CACNA2D2: variants seen among roughly 807,000 people sequenced by gnomAD.
The protein encoded by CACNA2D2 is calcium voltage-gated channel auxiliary subunit alpha2delta 2, also known as voltage-dependent calcium channel subunit alpha-2/delta-2.
In CACNA2D2, 48 loss-of-function variants were observed where a neutral mutation model predicts 166.4. That is an observed-to-expected ratio of 0.29 (90% CI 0.23 to 0.37). CACNA2D2 has a LOEUF of 0.37. Ranked by LOEUF, CACNA2D2 falls within the 10% of genes least tolerant of loss-of-function variation. The pLI is 1.00. For synonymous variants in CACNA2D2, 561 were observed against 573.7 expected, an observed-to-expected ratio of 0.98 and a Z score of 0.32; for missense variants, 1,122 against 1,433.0, an observed-to-expected ratio of 0.78 and a Z score of 3.50.
At chr3:50,399,758 T>C (rs1463024191) in intron 3 of CACNA2D2, among the ~76,000 whole-genome samples, 1 of 152,196 alleles carries the variant, frequency 6.6e-6, no homozygotes, top group Non-Finnish European at 1.5e-5. Flanking sequence ...CCCAGCAGTA[T>C]TGGACAGTGA....
intron 3 of CACNA2D2, among the ~76,000 whole-genome samples, chr3:50,404,273 C>T (rs994631072): frequency 1.3e-5 from 2 of 152,142 alleles, no homozygotes; most frequent in African/African-American, 2.4e-5. Flanking sequence ...AAGAGGCATG[C>T]GAGGGGCAGC....
intron 22 of CACNA2D2, among the ~76,000 whole-genome samples, chr3:50,371,814 G>T (rs909879176): frequency 1.3e-5 from 2 of 152,206 alleles, no homozygotes; most frequent in Admixed American, 6.5e-5. Context: ...CAGGGAAGGA[G>T]ACTATGCTAT....
At chr3:50,433,640 C>G (rs530187192) in intron 3 of CACNA2D2, among the ~76,000 whole-genome samples, 2 of 152,278 alleles carry the variant, frequency 1.3e-5, no homozygotes, top group East Asian at 3.9e-4. Context: ...TCCCTGGTCA[C>G]TTGGCAGCTG....
intron 3 of CACNA2D2, among the ~76,000 whole-genome samples, chr3:50,420,306 A>G (rs77495508): frequency 0.038 from 5,745 of 152,302 alleles, 160 homozygotes; most frequent in Non-Finnish European, 0.059. Context: ...GGGTCCATCA[A>G]TGTGGCAGGC....
chr3:50,452,506 T>C (rs567049986), intron 2 of CACNA2D2, among the ~76,000 whole-genome samples: 72 of 152,314 alleles, frequency 4.7e-4, no homozygotes, highest in African/African-American at 1.4e-3. Context: ...AACTGCTCAT[T>C]GTGAACCAGC....
intron 1 of CACNA2D2, 76 bp from the exon 2 acceptor site, chr3:50,476,275 G>C (rs1298019271): frequency 3.5e-6 from 4 of 1,158,592 alleles, no homozygotes; most frequent in Non-Finnish European, 5.0e-6. Flanking sequence ...CCAACCCGGG[G>C]GCACTGGGGG....
At chr3:50,377,935 G>C in intron 15 of CACNA2D2, 73 bp downstream of exon 15, 1 of 1,537,472 alleles carries the variant, frequency 6.5e-7, no homozygotes, top group South Asian at 1.1e-5. Flanking sequence ...GGGCCCTCCA[G>C]GGTCTTGACC....
chr3:50,455,362 TG>T (rs913523440), intron 2 of CACNA2D2, among the ~76,000 whole-genome samples: 1 of 152,072 alleles, frequency 6.6e-6, no homozygotes, highest in Non-Finnish European at 1.5e-5. Flanking sequence ...GAAAAATAAA[TG>T]TATTTACAGG....
chr3:50,485,339 T>C (rs186166401), intron 1 of CACNA2D2, among the ~76,000 whole-genome samples: 37 of 152,356 alleles, frequency 2.4e-4, no homozygotes, highest in Admixed American at 2.1e-3. Context: ...ATTTCCCATC[T>C]GTGGACTGAC....
At chr3:50,477,989 G>A (rs1051396722) in intron 1 of CACNA2D2, among the ~76,000 whole-genome samples, 3 of 152,124 alleles carry the variant, frequency 2.0e-5, no homozygotes, top group Non-Finnish European at 4.4e-5. Context: ...ATGGGAACTC[G>A]GAGCAGGAGG....
intron 1 of CACNA2D2, among the ~76,000 whole-genome samples, chr3:50,484,696 C>A (rs531162177): frequency 6.6e-6 from 1 of 152,378 alleles, no homozygotes; most frequent in South Asian, 2.1e-4. Flanking sequence ...CACGTCCCCT[C>A]CTGGGGTGAT....
At chr3:50,400,797 C>A (rs748823740) in intron 3 of CACNA2D2, among the ~76,000 whole-genome samples, 3 of 152,208 alleles carry the variant, frequency 2.0e-5, no homozygotes, top group Non-Finnish European at 4.4e-5. Flanking sequence ...ACACTTGGCT[C>A]CTGTCTCATC....
At chr3:50,473,091 G>A (rs1018256212) in intron 2 of CACNA2D2, among the ~76,000 whole-genome samples, 1 of 152,172 alleles carries the variant, frequency 6.6e-6, no homozygotes, top group African/African-American at 2.4e-5. Context: ...GGGACAATAC[G>A]TAAGCACCAG....
chr3:50,387,659 G>A lies in CACNA2D2; in HGVS notation c.466-47C>T, dbSNP rs752080784. The A allele has an allele frequency of 4.8e-6, 7 of 1,447,012 alleles. 1 individual carries two copies. The highest frequency in any genetic ancestry group is 3.9e-6 in the Non-Finnish European group (4 of 1,035,632). The allele number at this position is 1,447,012 out of a possible 1,614,324, so 89.6% of individuals were successfully genotyped here. Reference sequence around the variant, plus strand: ...CAGCACTAGCTGCTCAGGGTCCCGAGACAGACAGGACTCCTAGCCCCAAGG... The same window carrying A: ...CAGCACTAGCTGCTCAGGGTCCCGAAACAGACAGGACTCCTAGCCCCAAGG... On this transcript the variant is annotated intron_variant, in intron 4 of 37. Coordinates refer to ENST00000424201, the MANE Select transcript of CACNA2D2 (RefSeq NM_006030.4).
Position 50,427,596 on chromosome 3 carries a change from C to T in CACNA2D2, c.405+6717G>A, listed in dbSNP as rs567682571. On this transcript the variant is annotated intron_variant, in intron 3 of 37. Transcript: ENST00000424201. The surrounding 1 kb of genome is among the most constrained non-coding windows in gnomAD (Gnocchi z 4.7). ...GAGGCAGAAGCCATCGCCAGCCCCA[C>T]ATAAACACCTTTTAATTGCCCAGAG... Among the ~76,000 whole-genome samples the T allele has an allele frequency of 6.6e-6, 1 of 152,232 alleles. No homozygotes were observed. Among genetic ancestry groups the T allele is most frequent in the African/African-American group, 2.4e-5 (1 of 41,466 alleles).
Position 50,364,802 on chromosome 3 carries a change from T to C in CACNA2D2, c.3296A>G (p.Asp1099Gly). The change falls in exon 38 of 38, where the codon GAT becomes GGT. Residue 1099 changes from aspartate to glycine, a missense_variant. Coordinates refer to ENST00000424201, the MANE Select transcript of CACNA2D2 (RefSeq NM_006030.4). ...GGCCCCGCGGCCACAGTCTGAGGTA[T>C]CTTCCTGCGGGGAGAGACAAGGAGC... ...HICFDYNATE[D>G]TSDCGRGASF... 6.2e-7 allele frequency: 1 copy of C among 1,611,208 alleles called. No individual in the cohort carries two copies. The highest frequency in any genetic ancestry group is 8.5e-7 in the Non-Finnish European group (1 of 1,179,072).
Position 50,365,913 on chromosome 3 carries a change from T to C in CACNA2D2, c.2863-51A>G. 6.2e-7 allele frequency: 1 copy of C among 1,612,410 alleles called. No homozygotes were observed. The highest frequency in any genetic ancestry group is 8.5e-7 in the Non-Finnish European group (1 of 1,179,688). On this transcript the variant is annotated intron_variant, in intron 32 of 37. Coordinates refer to ENST00000424201, the MANE Select transcript of CACNA2D2 (RefSeq NM_006030.4). The surrounding 1 kb of genome is among the most constrained non-coding windows in gnomAD (Gnocchi z 4.5). ...TGCCACTGCTGCCCCTCGCCCTAGGTCACCCCCAGCTTTATCAAATGTCAG... is the reference window on the plus strand; with the variant it reads ...TGCCACTGCTGCCCCTCGCCCTAGGCCACCCCCAGCTTTATCAAATGTCAG...
chr3:50,450,807 G>C (rs1028538792), intron 2 of CACNA2D2, among the ~76,000 whole-genome samples: 16 of 151,942 alleles, frequency 1.1e-4, no homozygotes, highest in African/African-American at 3.9e-4. Flanking sequence ...TCCGCAAGAC[G>C]CCCGCCGACG....
rs368518551 is a variant in CACNA2D2, at chr3:50,375,763, A to G, written c.1845+46T>C. On this transcript the variant is annotated intron_variant, in intron 20 of 37. Coordinates refer to ENST00000424201, the MANE Select transcript of CACNA2D2 (RefSeq NM_006030.4). The surrounding 1 kb of genome is among the most constrained non-coding windows in gnomAD (Gnocchi z 4.0). The stretch of plus-strand genomic sequence containing the variant: ...TAGCAGGCAGGGGGCGCTGGGGTAG[A>G]AGGGTGCCCACCCTGACTCCCTGGC... The G allele has an allele frequency of 3.3e-5, 53 of 1,612,410 alleles. No homozygotes were observed. The highest frequency in any genetic ancestry group is 1.1e-5 in the Non-Finnish European group (13 of 1,179,580).
Sources: gnomAD v4.1 joint callset for allele counts (sites outside exome capture counted in the v4.1 genomes callset) on GRCh38, gnomAD v4.1.1 for gene constraint, Gnocchi (gnomAD v3.1) non-coding constraint, MANE v1.5 for transcripts, NCBI Gene and HGNC (gene_info 2026-07-23, HGNC 2026-07-21) for gene names.